Variants in TSGA10 observed in about 807,000 individuals in gnomAD.
TSGA10 encodes the protein testis-specific gene 10 protein.
A neutral mutation model predicts 96.6 loss-of-function variants in TSGA10; 43 were observed. The observed-to-expected ratio is 0.44, with a 90% CI of 0.35 to 0.57. TSGA10 has a LOEUF of 0.57. Ranked by LOEUF, TSGA10 falls within the 20% of genes least tolerant of loss-of-function variation. The pLI, the probability that TSGA10 is intolerant of heterozygous loss-of-function variation, is 0.01. For synonymous variants in TSGA10, 229 were observed against 269.9 expected (o/e 0.85, Z 1.48); for missense variants, 703 against 834.4 (o/e 0.84, Z 1.94).
At chr2:99,082,569 T>C (rs1000034167) in intron 10 of TSGA10, among the ~76,000 whole-genome samples, 18 of 151,928 alleles carry the variant, frequency 1.2e-4, no homozygotes. Context: ...AGCATCAAAA[T>C]AAAATTTGGT....
At chr2:99,005,240 G>A (rs1429594751) in intron 20 of TSGA10, among the ~76,000 whole-genome samples, 3 of 152,188 alleles carry the variant, frequency 2.0e-5, no homozygotes, top group East Asian at 1.9e-4. Flanking sequence ...ACAAGACAGG[G>A]ATGCCCTCTC....
chr2:99,150,143 C>G (rs763805363), intron 1 of TSGA10, among the ~76,000 whole-genome samples: 1 of 152,152 alleles, frequency 6.6e-6, no homozygotes, highest in Non-Finnish European at 1.5e-5. Context: ...AAATAAAGTA[C>G]TAGCAGAGTA....
chr2:99,128,248 C>T (rs998233458), intron 1 of TSGA10, among the ~76,000 whole-genome samples: 3 of 152,150 alleles, frequency 2.0e-5, no homozygotes, highest in Non-Finnish European at 4.4e-5. Flanking sequence ...TTTCTCTTCT[C>T]TAAACAAGAC....
chr2:99,150,920 C>A (rs1019521672), intron 1 of TSGA10: 3 of 830,890 alleles, frequency 3.6e-6, no homozygotes, highest in African/African-American at 1.7e-5. Flanking sequence ...TATTAGGAAA[C>A]CCTGACAAAA....
chr2:99,129,596 A>G (rs1019254164), intron 1 of TSGA10, among the ~76,000 whole-genome samples: 3 of 152,132 alleles, frequency 2.0e-5, no homozygotes, highest in African/African-American at 4.8e-5. Flanking sequence ...AAGACACATC[A>G]GTGTATCTGA....
At chr2:99,132,704 T>C (rs1164233690) in intron 1 of TSGA10, among the ~76,000 whole-genome samples, 1 of 152,162 alleles carries the variant, frequency 6.6e-6, no homozygotes, top group African/African-American at 2.4e-5. Flanking sequence ...GATGTTAGGG[T>C]GTTGATTTTA....
chr2:99,127,134 A>C lies in TSGA10; in HGVS notation c.-578T>G. 8.5e-6 allele frequency: 11 copies of C among 1,289,548 alleles called. No homozygotes were observed. Among genetic ancestry groups the C allele is most frequent in the Non-Finnish European group, 1.0e-5 (10 of 988,756 alleles). 79.9% of individuals were successfully genotyped at this position (1,289,548 alleles called of 1,614,324 possible). A position where few individuals can be genotyped will look rare whatever the true frequency, so the allele number is the denominator to read the frequency against. Reference sequence around the variant, plus strand: ...GTATTCTGGTAGTTTTCAGCTTCAGAAACTGGAGCCCCTAGACCAAAATCA... The same window carrying C: ...GTATTCTGGTAGTTTTCAGCTTCAGCAACTGGAGCCCCTAGACCAAAATCA... On this transcript the variant is annotated 5_prime_UTR_variant, in exon 2 of 21. Coordinates refer to ENST00000393483, the MANE Select transcript of TSGA10 (RefSeq NM_025244.4).
chr2:99,095,672 C>T (rs963826124), intron 10 of TSGA10, among the ~76,000 whole-genome samples: 4 of 152,162 alleles, frequency 2.6e-5, no homozygotes, highest in South Asian at 2.1e-4. Flanking sequence ...GACAGAGTTT[C>T]GCTCTGTCAC....
At chr2:99,090,355 GTTCT>G (rs2089168538) in intron 10 of TSGA10, among the ~76,000 whole-genome samples, 2 of 152,048 alleles carry the variant, frequency 1.3e-5, no homozygotes, top group South Asian at 4.1e-4. Flanking sequence ...ACAAAACAAA[GTTCT>G]TTAACACCCT....
intron 20 of TSGA10, among the ~76,000 whole-genome samples, chr2:99,004,599 T>G (rs2078291195): frequency 1.3e-5 from 2 of 151,938 alleles, no homozygotes; most frequent in Non-Finnish European, 1.5e-5. Context: ...CAGGAAGAAG[T>G]TGAATCTCTG....
chr2:99,078,985 C>T (rs926195117), intron 11 of TSGA10, 172 bp from the exon 12 acceptor site: 8 of 462,218 alleles, frequency 1.7e-5, no homozygotes, highest in Middle Eastern at 5.6e-4. Flanking sequence ...TTAAAAACTA[C>T]AGTGAATCAC....
intron 12 of TSGA10, among the ~76,000 whole-genome samples, chr2:99,077,176 T>TG (rs2104561703): frequency 7.5e-6 from 1 of 133,280 alleles, no homozygotes; most frequent in African/African-American, 2.8e-5. Flanking sequence ...AGTCTTGCTC[T>TG]GTCATGCAGG....
chr2:99,011,225 C>T (rs1161534918), intron 20 of TSGA10, among the ~76,000 whole-genome samples: 5 of 152,268 alleles, frequency 3.3e-5, no homozygotes, highest in Middle Eastern at 3.4e-3. Flanking sequence ...CTCCGACACC[C>T]GGGTTCAAGC....
At chr2:99,127,503 AC>A (rs1191361677) in intron 1 of TSGA10, among the ~76,000 whole-genome samples, 1 of 152,200 alleles carries the variant, frequency 6.6e-6, no homozygotes, top group Non-Finnish European at 1.5e-5. Flanking sequence ...TTAGTGAGTT[AC>A]GTTTGCTGTT....
At chr2:99,005,214 T>A (rs1051330738) in intron 20 of TSGA10, among the ~76,000 whole-genome samples, 2 of 152,142 alleles carry the variant, frequency 1.3e-5, no homozygotes, top group Non-Finnish European at 2.9e-5. Flanking sequence ...CTGGAAGCAT[T>A]CCCTTGAAGA....
intron 20 of TSGA10, among the ~76,000 whole-genome samples, chr2:98,998,915 G>C (rs1162912595): frequency 1.3e-5 from 2 of 151,430 alleles, no homozygotes; most frequent in Non-Finnish European, 2.9e-5. Context: ...CTATTTTTTG[G>C]AGACAGAGTC....
intron 20 of TSGA10, among the ~76,000 whole-genome samples, chr2:99,010,755 G>A (rs989538122): frequency 6.6e-6 from 1 of 152,180 alleles, no homozygotes; most frequent in African/African-American, 2.4e-5. Context: ...TCCAGGGGAC[G>A]AGTGGAAGCT....
intron 1 of TSGA10, chr2:99,147,239 G>T (rs2093641587): frequency 4.3e-6 from 2 of 468,076 alleles, no homozygotes; most frequent in East Asian, 3.2e-5. Context: ...GGACTCAAGA[G>T]ATCTTTCCAC....
intron 10 of TSGA10, chr2:99,102,269 G>A (rs537772010): frequency 6.2e-7 from 1 of 1,612,452 alleles, no homozygotes; most frequent in South Asian, 1.1e-5. Context: ...CTTTGGTGAT[G>A]AAGAAAGGAG....
Sources: allele counts gnomAD v4.1 joint callset (sites outside exome capture counted in the v4.1 genomes callset), GRCh38; gene constraint gnomAD v4.1.1; transcripts MANE v1.5; gene names NCBI Gene and HGNC (gene_info 2026-07-23, HGNC 2026-07-21).